Variants in STXBP4 observed in about 807,000 individuals in gnomAD.
The protein encoded by STXBP4 is syntaxin binding protein 4.
In STXBP4, 55 loss-of-function variants were observed where a neutral mutation model predicts 76.1. The ratio of observed to expected loss-of-function variants is 0.72; its 90% CI spans 0.58 to 0.91. STXBP4 has a LOEUF of 0.91. Ranked by LOEUF, STXBP4 falls within the 40% of genes least tolerant of loss-of-function variation. The pLI is 0.00. For missense variants in STXBP4, 618 were observed against 636.9 expected (o/e 0.97, Z 0.32); for synonymous variants, 201 against 220.2 (o/e 0.91, Z 0.77).
At chr17:55,098,588 G>C (rs987082805) in intron 16 of STXBP4, among the ~76,000 whole-genome samples, 2 of 152,196 alleles carry the variant, frequency 1.3e-5, no homozygotes, top group Admixed American at 1.3e-4. Context: ...GGAACAGCAA[G>C]TGGAAAGGCC....
At chr17:55,006,214 A>T (rs1185042473) in intron 7 of STXBP4, among the ~76,000 whole-genome samples, 1 of 152,114 alleles carries the variant, frequency 6.6e-6, no homozygotes, top group East Asian at 1.9e-4. Context: ...TGATCTTGAC[A>T]CCTATAAGCT....
the STXBP4 span, among the ~76,000 whole-genome samples, chr17:55,201,181 A>T: frequency 1.2e-4 from 18 of 152,210 alleles, no homozygotes; most frequent in African/African-American, 4.3e-4. Context: ...GGCTGCAGAA[A>T]CAGCCTTCCC....
At chr17:55,150,131 A>G (rs753864742) in intron 17 of STXBP4, among the ~76,000 whole-genome samples, 1 of 152,182 alleles carries the variant, frequency 6.6e-6, no homozygotes, top group Non-Finnish European at 1.5e-5. Context: ...ACTAACAAAT[A>G]CTTTTTGTCA....
chr17:55,147,778 C>T (rs1484286196), intron 17 of STXBP4, among the ~76,000 whole-genome samples: 4 of 152,146 alleles, frequency 2.6e-5, no homozygotes, highest in African/African-American at 7.2e-5. Flanking sequence ...TTAACTCATG[C>T]CATCTCTGTC....
chr17:55,007,446 C>T (rs2078030507), intron 7 of STXBP4, 60 bp from the exon 8 acceptor site: 1 of 1,191,752 alleles, frequency 8.4e-7, no homozygotes, highest in Non-Finnish European at 1.2e-6. Context: ...CATATCCTGT[C>T]AAATAAAAAT....
chr17:55,146,540 T>G (rs1211982049), intron 17 of STXBP4, among the ~76,000 whole-genome samples: 1 of 151,750 alleles, frequency 6.6e-6, no homozygotes, highest in Non-Finnish European at 1.5e-5. Context: ...TGAAACCCTG[T>G]CTCTACTAAA....
the STXBP4 span, among the ~76,000 whole-genome samples, chr17:55,208,610 G>GGAAGGAAGGAAGGAAGGAA: frequency 6.9e-6 from 1 of 143,948 alleles, no homozygotes; most frequent in South Asian, 2.1e-4. Flanking sequence ...AGGAAGGAAA[G>GGAAGGAAGGAAGGAAGGAA]AGAGAGGGAG....
chr17:55,159,674 T>C lies in STXBP4; in HGVS notation c.1548-123T>C, dbSNP rs1255626030. The C allele has an allele frequency of 1.0e-5, 6 of 587,304 alleles. No homozygotes were observed. In the African/African-American group the frequency reaches 1.1e-4, roughly 11 times the overall value. 36.4% of individuals were successfully genotyped at this position (587,304 alleles called of 1,614,324 possible). ...ACTTATTAAAGCTATTGGATCTAGT[T>C]CTAACTGCTTCCTATCACAGGGACT... On this transcript the variant is annotated intron_variant, in intron 17 of 17. Transcript: ENST00000376352.
At chr17:55,008,163 G>A (rs751339028) in intron 8 of STXBP4, among the ~76,000 whole-genome samples, 5 of 150,636 alleles carry the variant, frequency 3.3e-5, no homozygotes, top group Non-Finnish European at 5.9e-5. Context: ...AAAAGCACTC[G>A]AAAGCATTTA....
intron 16 of STXBP4, among the ~76,000 whole-genome samples, chr17:55,081,995 T>C (rs2079261467): frequency 6.6e-6 from 1 of 152,222 alleles, no homozygotes; most frequent in Non-Finnish European, 1.5e-5. Flanking sequence ...TTCTAACTAC[T>C]TCTTACGTAC....
At chr17:55,066,503 T>C (rs951721829) in intron 12 of STXBP4, among the ~76,000 whole-genome samples, 8 of 152,242 alleles carry the variant, frequency 5.3e-5, no homozygotes, top group African/African-American at 1.7e-4. Context: ...GGATTACAGA[T>C]GTAAGCCACT....
the STXBP4 span, among the ~76,000 whole-genome samples, chr17:55,197,638 G>A: frequency 6.6e-6 from 1 of 152,106 alleles, no homozygotes; most frequent in Non-Finnish European, 1.5e-5. Flanking sequence ...AGCTACTCGG[G>A]AGGCTGAGGC....
intron 12 of STXBP4, among the ~76,000 whole-genome samples, chr17:55,070,149 A>G (rs1202318118): frequency 6.6e-6 from 1 of 152,178 alleles, no homozygotes; most frequent in Non-Finnish European, 1.5e-5. Flanking sequence ...AGACTGCCAA[A>G]TCTTAGCTCT....
rs9905285 is a variant in STXBP4, at chr17:55,115,022, A to G, written c.1490-26288A>G. 9.2e-3 allele frequency among the ~76,000 whole-genome samples: 1,396 copies of G among 152,044 alleles called. 25 individuals are homozygous for G. Among genetic ancestry groups the G allele is most frequent in the African/African-American group, 0.031 (1,287 of 41,536 alleles). On this transcript the variant is annotated intron_variant, in intron 16 of 17. Transcript: ENST00000376352. ...ATTGAAAATGTTTTTGCCCTGTCCT[A>G]ATATTGTAATGTAAGTTGTTATTCA...
At chr17:55,014,940 G>T in intron 8 of STXBP4, among the ~76,000 whole-genome samples, 1 of 151,302 alleles carries the variant, frequency 6.6e-6, no homozygotes, top group East Asian at 1.9e-4. Flanking sequence ...CGTTTGTCCC[G>T]TTCTGCCTGC....
At chr17:55,178,834 T>C in the STXBP4 span, among the ~76,000 whole-genome samples, 222 of 152,328 alleles carry the variant, frequency 1.5e-3, 7 homozygotes, top group South Asian at 0.045. Context: ...CAGCTTTTAT[T>C]CATCCAGACC....
chr17:54,970,731 C>T (rs1267438569), intron 1 of STXBP4, among the ~76,000 whole-genome samples: 4 of 152,172 alleles, frequency 2.6e-5, no homozygotes, highest in Non-Finnish European at 5.9e-5. Context: ...CCAGGCACCC[C>T]TTCTTTGTAG....
chr17:55,010,732 C>A (rs1304903608), intron 8 of STXBP4, among the ~76,000 whole-genome samples: 1 of 152,076 alleles, frequency 6.6e-6, no homozygotes, highest in African/African-American at 2.4e-5. Flanking sequence ...TTCAAGAAAA[C>A]TGTAGAGAGC....
chr17:55,108,243 G>T (rs2079660522), intron 16 of STXBP4, among the ~76,000 whole-genome samples: 1 of 152,148 alleles, frequency 6.6e-6, no homozygotes, highest in Non-Finnish European at 1.5e-5. Flanking sequence ...CTCAGTAATG[G>T]TGGACGCCCC....
Sources: gnomAD v4.1 joint callset for allele counts (sites outside exome capture counted in the v4.1 genomes callset) on GRCh38, gnomAD v4.1.1 for gene constraint, MANE v1.5 for transcripts, NCBI Gene and HGNC (gene_info 2026-07-23, HGNC 2026-07-21) for gene names.